Variants in SCGB2B2 observed in about 807,000 individuals in gnomAD.
The protein encoded by SCGB2B2 is secretoglobin family 2B member 2.
SCGB2B2 carries 11 observed loss-of-function variants against 7.6 expected under a neutral mutation model. The ratio of observed to expected loss-of-function variants is 1.45; its 90% CI spans 0.91 to 2.40. SCGB2B2 has a LOEUF of 2.40. SCGB2B2 is among the 30% of genes most tolerant of loss of function. SCGB2B2 has a pLI of 0.00. For missense variants in SCGB2B2, 104 were observed against 115.4 expected, an observed-to-expected ratio of 0.90 and a Z score of 0.45; for synonymous variants, 50 against 48.6, an observed-to-expected ratio of 1.03 and a Z score of -0.12.
chr19:34,612,229 G>A (rs1022344470), intron 1 of SCGB2B2, among the ~76,000 whole-genome samples: 5 of 150,992 alleles, frequency 3.3e-5, no homozygotes, highest in African/African-American at 7.3e-5. Context: ...AGTAGAGACC[G>A]GGTTTCACTA....
intron 1 of SCGB2B2, among the ~76,000 whole-genome samples, chr19:34,653,796 T>C (rs1054178720): frequency 2.0e-5 from 3 of 151,106 alleles, no homozygotes; most frequent in Non-Finnish European, 4.4e-5. Context: ...ATCACCAAAA[T>C]AGATACTGAA....
rs149356656 is a variant in SCGB2B2, at chr19:34,597,228, C to G, written c.-2031-634G>C. 1.1e-3 allele frequency among the ~76,000 whole-genome samples: 160 copies of G among 152,212 alleles called. 1 individual carries two copies. The highest frequency in any genetic ancestry group is 3.5e-3 in the African/African-American group (146 of 41,560). ...CCTGTGTCACATGCATCCATCCCACCCACCACACTGCAGGTTACAGGACTG... is the reference window on the plus strand; with the variant it reads ...CCTGTGTCACATGCATCCATCCCACGCACCACACTGCAGGTTACAGGACTG... On this transcript the variant is annotated intron_variant, in intron 1 of 3. Coordinates refer to ENST00000601241, the MANE Select transcript of SCGB2B2 (RefSeq NM_001025591.4).
At chr19:34,619,513 A>C (rs1446452979) in intron 1 of SCGB2B2, among the ~76,000 whole-genome samples, 10 of 152,220 alleles carry the variant, frequency 6.6e-5, no homozygotes, top group Admixed American at 6.5e-4. Flanking sequence ...AAGAGATGGC[A>C]AGCGATGGGC....
At chr19:34,660,759 C>T (rs139319885) in intron 1 of SCGB2B2, among the ~76,000 whole-genome samples, 391 of 152,262 alleles carry the variant, frequency 2.6e-3, no homozygotes, top group African/African-American at 8.8e-3. Flanking sequence ...TTTGACCCAG[C>T]GATCCCTTTA....
At chr19:34,626,438 G>A (rs10424398) in intron 1 of SCGB2B2, among the ~76,000 whole-genome samples, 48,002 of 152,036 alleles carry the variant, frequency 0.32, 8,415 homozygotes, top group Middle Eastern at 0.47. Flanking sequence ...TGAAAACCAC[G>A]GCATGAGAAC....
At chr19:34,667,311 A>C (rs1404926632) in intron 1 of SCGB2B2, among the ~76,000 whole-genome samples, 9 of 143,758 alleles carry the variant, frequency 6.3e-5, no homozygotes, top group African/African-American at 1.3e-4. Flanking sequence ...TCAGCCTCCC[A>C]CCCCTCCCCA....
In SCGB2B2 at chr19:34,613,438, T is replaced by C. The variant is rs547102118; in HGVS notation, c.-2031-16844A>G. Among the ~76,000 whole-genome samples the C allele has an allele frequency of 1.7e-3, 255 of 152,322 alleles. 1 individual carries two copies. The highest frequency in any genetic ancestry group is 5.6e-3 in the African/African-American group (234 of 41,566). ...TTCAATTGGTATATATCTTTATAGG[T>C]GAAGTGAGTTTCTTGTAAGCAGCAT... is the stretch of plus-strand genomic sequence containing the variant. On this transcript the variant is annotated intron_variant, in intron 1 of 3. Transcript: ENST00000601241.
chr19:34,636,592 C>T (rs1254753698), intron 1 of SCGB2B2, among the ~76,000 whole-genome samples: 2 of 152,246 alleles, frequency 1.3e-5, no homozygotes, highest in South Asian at 2.1e-4. Flanking sequence ...GGTTAGAGAA[C>T]ACTGCAGAGG....
At chr19:34,627,181 T>C (rs10221496) in intron 1 of SCGB2B2, among the ~76,000 whole-genome samples, 58,095 of 152,064 alleles carry the variant, frequency 0.38, 11,579 homozygotes, top group African/African-American at 0.5. Context: ...CCATCAATGA[T>C]AGGAAGAAAC....
chr19:34,633,219 TGTG>T (rs1312675646), intron 1 of SCGB2B2, among the ~76,000 whole-genome samples: 1 of 152,228 alleles, frequency 6.6e-6, no homozygotes, highest in East Asian at 1.9e-4. Context: ...CTGGCTTCTC[TGTG>T]TTGTCACTTA....
chr19:34,613,524 T>C (rs1046449872), intron 1 of SCGB2B2, among the ~76,000 whole-genome samples: 4 of 152,352 alleles, frequency 2.6e-5, no homozygotes, highest in Admixed American at 2.6e-4. Context: ...GTGGGGAATT[T>C]AGTCTGTTTT....
chr19:34,644,614 T>A (rs1352203075), intron 1 of SCGB2B2, among the ~76,000 whole-genome samples: 1 of 152,198 alleles, frequency 6.6e-6, no homozygotes, highest in Non-Finnish European at 1.5e-5. Context: ...TTATTCTGGG[T>A]AACTCATATA....
chr19:34,670,331 CA>C (rs2067770167), intron 1 of SCGB2B2, among the ~76,000 whole-genome samples: 1 of 152,178 alleles, frequency 6.6e-6, no homozygotes, highest in East Asian at 1.9e-4. Context: ...AACTGTGTTC[CA>C]AAGTGGTTAT....
At chr19:34,662,741 G>A (rs138831118) in intron 1 of SCGB2B2, among the ~76,000 whole-genome samples, 14 of 152,116 alleles carry the variant, frequency 9.2e-5, no homozygotes, top group Non-Finnish European at 2.1e-4. Flanking sequence ...AGACCAGCCT[G>A]GGCAACATGG....
rs117157029 is a variant in SCGB2B2, at chr19:34,613,428, T to A, written c.-2031-16834A>T. Among the ~76,000 whole-genome samples, 3 of 152,216 alleles carry A rather than the reference T, an allele frequency of 2.0e-5. No individual in the cohort carries two copies. In the East Asian group the frequency reaches 5.8e-4, roughly 29 times the overall value. The stretch of plus-strand genomic sequence containing the variant: ...TCTCTTCATTTTCAATTGGTATATA[T>A]CTTTATAGGTGAAGTGAGTTTCTTG... On this transcript the variant is annotated intron_variant, in intron 1 of 3. Coordinates refer to ENST00000601241, the MANE Select transcript of SCGB2B2 (RefSeq NM_001025591.4).
intron 1 of SCGB2B2, among the ~76,000 whole-genome samples, chr19:34,614,281 CTTT>C (rs199886722): frequency 6.6e-6 from 1 of 151,400 alleles, no homozygotes; most frequent in Non-Finnish European, 1.5e-5. Context: ...AGTTTTATAA[CTTT>C]TTTTTTCACT....
chr19:34,655,073 C>A (rs980420554), intron 1 of SCGB2B2, among the ~76,000 whole-genome samples: 3 of 151,218 alleles, frequency 2.0e-5, no homozygotes, highest in Admixed American at 1.3e-4. Context: ...GGACATAGGA[C>A]AAGAGTTTAA....
rs1489127995 is a variant in SCGB2B2, at chr19:34,608,685, A to ATATATATATATATATG, written c.-2031-12092_-2031-12091insCATATATATATATATA. The ATATATATATATATATG allele has an allele frequency of 3.8e-5, 5 of 131,476 alleles. 1 individual carries two copies. The highest frequency in any genetic ancestry group is 1.1e-4 in the African/African-American group (4 of 35,970). 8.1% of individuals were successfully genotyped at this position (131,476 alleles called of 1,614,324 possible). ...CATATATATATATATATATATATAT[A>ATATATATATATATATG]CCGTATTTTCTTCATCTTTTCACTT... On this transcript the variant is annotated intron_variant, in intron 1 of 3. Transcript: ENST00000601241.
chr19:34,629,104 T>C (rs1271244778), intron 1 of SCGB2B2, among the ~76,000 whole-genome samples: 2 of 151,938 alleles, frequency 1.3e-5, no homozygotes, highest in African/African-American at 4.8e-5. Flanking sequence ...AAACTAGGTA[T>C]TGATGGGATG....
Sources: allele counts gnomAD v4.1 joint callset (sites outside exome capture counted in the v4.1 genomes callset), GRCh38; gene constraint gnomAD v4.1.1; transcripts MANE v1.5; gene names NCBI Gene and HGNC (gene_info 2026-07-23, HGNC 2026-07-21).